XDH: variants seen among roughly 807,000 people sequenced by gnomAD.
XDH encodes the protein xanthine dehydrogenase, also known as xanthine dehydrogenase/oxidase.
Under a neutral mutation model 156.1 loss-of-function variants are expected in XDH, and 138 were observed. The ratio of observed to expected loss-of-function variants is 0.88; its 90% CI spans 0.77 to 1.02. XDH has a LOEUF of 1.02. XDH is among the 50% of genes least tolerant of loss of function. The pLI is 0.00. For synonymous variants in XDH, 669 were observed against 625.7 expected, an observed-to-expected ratio of 1.07 and a Z score of -1.03; for missense variants, 1,849 against 1,684.9, an observed-to-expected ratio of 1.10 and a Z score of -1.71.
At chr2:31,378,158 G>A (rs192415131) in intron 13 of XDH, among the ~76,000 whole-genome samples, 8 of 117,010 alleles carry the variant, frequency 6.8e-5, no homozygotes, top group African/African-American at 2.5e-4. Context: ...AAGGAAGGAA[G>A]GAAGGAAGGA....
At position 31,339,688 on chromosome 2, in the gene XDH, G is replaced by A. The variant is rs547378002; in HGVS notation, c.3586-11C>T. On this transcript the variant is annotated splice_polypyrimidine_tract_variant and intron_variant, in intron 33 of 35. Coordinates refer to ENST00000379416, the MANE Select transcript of XDH (RefSeq NM_000379.4). Reference sequence around the variant, plus strand: ...AAATGCCCCTTCCACCTGCAGGATGGATGGAGAGCACAGTTAGCCTGCCAC... The same window carrying A: ...AAATGCCCCTTCCACCTGCAGGATGAATGGAGAGCACAGTTAGCCTGCCAC... The A allele has an allele frequency of 5.6e-6, 9 of 1,613,798 alleles. No homozygotes were observed. The South Asian group carries it at 7.7e-5, about 14-fold the overall frequency.
intron 22 of XDH, 90 bp from the exon 23 acceptor site, chr2:31,365,634 T>C (rs1427613797): frequency 2.0e-6 from 3 of 1,482,238 alleles, no homozygotes; most frequent in Non-Finnish European, 2.8e-6. Context: ...CGGGAAGCCA[T>C]CTTTTCCACC....
chr2:31,365,365 T>C, intron 23 of XDH, 92 bp downstream of exon 23: 1 of 1,352,622 alleles, frequency 7.4e-7, no homozygotes. Context: ...AGGCAAAAAG[T>C]AGGAGTGCAG....
intron 4 of XDH, among the ~76,000 whole-genome samples, chr2:31,399,956 CTGTT>C (rs1687012408): frequency 6.6e-6 from 1 of 152,182 alleles, no homozygotes; most frequent in African/African-American, 2.4e-5. Flanking sequence ...TTTCTTTCAT[CTGTT>C]TGTTTCAAAG....
At chr2:31,367,399 G>A (rs1422959908) in intron 20 of XDH, among the ~76,000 whole-genome samples, 7 of 152,156 alleles carry the variant, frequency 4.6e-5, no homozygotes, top group East Asian at 1.9e-4. Context: ...GTGGAGAGTC[G>A]GCTTCATACC....
intron 1 of XDH, among the ~76,000 whole-genome samples, chr2:31,410,614 A>G (rs1687316829): frequency 6.6e-6 from 1 of 152,244 alleles, no homozygotes; most frequent in Admixed American, 6.5e-5. Context: ...CTGACGTTAA[A>G]AAAACAAACA....
chr2:31,336,346 C>T (rs1684970313), intron 35 of XDH, among the ~76,000 whole-genome samples: 1 of 152,182 alleles, frequency 6.6e-6, no homozygotes, highest in Non-Finnish European at 1.5e-5. Flanking sequence ...TTTTAAATCG[C>T]TGGTATGTTG....
chr2:31,337,517 T>A (rs1240349946), intron 35 of XDH, 124 bp downstream of exon 35: 10 of 1,412,336 alleles, frequency 7.1e-6, no homozygotes, highest in Middle Eastern at 4.9e-4. Flanking sequence ...GGGTGGCCAT[T>A]GATGCAAGGC....
At chr2:31,403,501 C>G (rs962099478) in intron 2 of XDH, among the ~76,000 whole-genome samples, 1 of 152,106 alleles carries the variant, frequency 6.6e-6, no homozygotes, top group Non-Finnish European at 1.5e-5. Flanking sequence ...CCTGAGCATA[C>G]GGGGCAGTTC....
chr2:31,410,678 C>G (rs772384492), intron 1 of XDH, among the ~76,000 whole-genome samples: 7 of 152,104 alleles, frequency 4.6e-5, no homozygotes, highest in Admixed American at 2.0e-4. Flanking sequence ...TTCCTGCCCC[C>G]CAAATGCAGA....
chr2:31,404,537 A>T (rs181550687), intron 2 of XDH, among the ~76,000 whole-genome samples: 6 of 152,332 alleles, frequency 3.9e-5, no homozygotes, highest in African/African-American at 1.4e-4. Flanking sequence ...GACACAGCCA[A>T]TTGCTGATAA....
chr2:31,359,753 G>A, intron 24 of XDH, among the ~76,000 whole-genome samples: 1 of 152,146 alleles, frequency 6.6e-6, no homozygotes, highest in East Asian at 1.9e-4. Context: ...GTTAGAGTTG[G>A]GAATGTGGCT....
chr2:31,398,854 T>G (rs1023225969), intron 4 of XDH, among the ~76,000 whole-genome samples, 155 bp from the exon 5 acceptor site: 4 of 152,170 alleles, frequency 2.6e-5, no homozygotes, highest in African/African-American at 9.7e-5. Flanking sequence ...AACTGTGACC[T>G]TGGCCAGTTT....
chr2:31,368,420 T>A (rs1267101790), intron 19 of XDH, 121 bp downstream of exon 19: 1 of 1,330,674 alleles, frequency 7.5e-7, no homozygotes, highest in East Asian at 2.4e-5. Flanking sequence ...TGAAAGGGAT[T>A]TAAAAACCCA....
chr2:31,361,861 A>G (rs1685789213), intron 24 of XDH, among the ~76,000 whole-genome samples: 2 of 152,166 alleles, frequency 1.3e-5, no homozygotes, highest in African/African-American at 4.8e-5. Context: ...CAGACCACAG[A>G]AGCAGTTCTA....
At chr2:31,373,848 T>A (rs776441727) in intron 16 of XDH, 25 bp downstream of exon 16, 1 of 1,612,628 alleles carries the variant, frequency 6.2e-7, no homozygotes, top group Non-Finnish European at 8.5e-7. Flanking sequence ...TCCCCTGATA[T>A]TAGCCATACA....
At chr2:31,379,664 T>C (rs1291564648) in intron 13 of XDH, among the ~76,000 whole-genome samples, 4 of 152,168 alleles carry the variant, frequency 2.6e-5, no homozygotes, top group Non-Finnish European at 5.9e-5. Flanking sequence ...GTCCATGCCA[T>C]GTGGACTCCT....
chr2:31,373,952 C>A lies in XDH; in HGVS notation c.1607G>T (p.Cys536Phe). The change falls in exon 16 of 36, where the codon TGT (cysteine) becomes TTT (phenylalanine). Residue 536 changes from cysteine (C) to phenylalanine (F), a missense_variant. Physicochemically the swap from Cys to Phe is radical, Grantham distance 205 (BLOSUM62 -2). Coordinates refer to ENST00000379416, the MANE Select transcript of XDH (RefSeq NM_000379.4). The stretch of plus-strand genomic sequence containing the variant: ...GGCGAAAGTGGGGTCCAGTTTACCA[C>A]ACTTCTGTGGAGACAAGAAAACAGA... The part of the protein sequence containing the change: ...KLGQENLEDK[C>F]GKLDPTFASA... 6.2e-7 allele frequency: 1 copy of A among 1,613,502 alleles called. No individual in the cohort carries two copies. The highest frequency in any genetic ancestry group is 2.2e-5 in the East Asian group (1 of 44,864).
intron 31 of XDH, among the ~76,000 whole-genome samples, chr2:31,343,531 G>GTATAAGGCATATATAGATGCCTTA (rs1685196553): frequency 8.3e-6 from 1 of 119,794 alleles, no homozygotes; most frequent in African/African-American, 3.3e-5. Flanking sequence ...ATACATATAT[G>GTATAAGGCATATATAGATGCCTTA]TATAAGGCAT....
Sources: gnomAD v4.1 joint callset for allele counts (sites outside exome capture counted in the v4.1 genomes callset) on GRCh38, gnomAD v4.1.1 for gene constraint, MANE v1.5 for transcripts, NCBI Gene and HGNC (gene_info 2026-07-23, HGNC 2026-07-21) for gene names.